Variants in ATP11B observed in about 807,000 individuals in gnomAD.
ATP11B encodes phospholipid-transporting ATPase IF.
ATP11B carries 81 observed loss-of-function variants against 157.8 expected under a neutral mutation model. That is an observed-to-expected ratio of 0.51 (90% confidence interval 0.43 to 0.62). The LOEUF is 0.62. ATP11B is among the 20% of genes least tolerant of loss of function. The pLI is 0.00. For missense variants in ATP11B, 1,165 were observed against 1,402.2 expected (o/e 0.83, Z 2.70); for synonymous variants, 451 against 469.4 (o/e 0.96, Z 0.51).
chr3:182,798,129 C>T (rs1159780141), intron 1 of ATP11B, among the ~76,000 whole-genome samples: 2 of 152,018 alleles, frequency 1.3e-5, no homozygotes, highest in African/African-American at 2.4e-5. Flanking sequence ...AGAGTGAGAC[C>T]GTCTGAAAAG....
At chr3:182,795,790 T>C (rs781646530) in intron 1 of ATP11B, among the ~76,000 whole-genome samples, 3 of 152,264 alleles carry the variant, frequency 2.0e-5, no homozygotes, top group Non-Finnish European at 4.4e-5. Context: ...TAGACAGCTA[T>C]TCTGATTACT....
At chr3:182,822,200 T>C (rs1357799329) in intron 2 of ATP11B, among the ~76,000 whole-genome samples, 1 of 152,016 alleles carries the variant, frequency 6.6e-6, no homozygotes, top group Non-Finnish European at 1.5e-5. Flanking sequence ...ACATGTGCCA[T>C]ATTGGTGTGC....
chr3:182,853,446 T>C (rs2108527576), intron 10 of ATP11B, among the ~76,000 whole-genome samples: 1 of 152,236 alleles, frequency 6.6e-6, no homozygotes, highest in East Asian at 1.9e-4. Flanking sequence ...GACCTCTTGA[T>C]CCGCCTACCT....
chr3:182,831,852 A>G (rs1215805266), intron 4 of ATP11B, among the ~76,000 whole-genome samples: 1 of 151,864 alleles, frequency 6.6e-6, no homozygotes, highest in Non-Finnish European at 1.5e-5. Flanking sequence ...CGTCACTTTC[A>G]TTTGAATGTC....
At chr3:182,903,096 C>G (rs185539234) in intron 28 of ATP11B, among the ~76,000 whole-genome samples, 2 of 152,166 alleles carry the variant, frequency 1.3e-5, no homozygotes, top group East Asian at 3.9e-4. Context: ...TCTTTATCTC[C>G]ACAGACAGAT....
intron 22 of ATP11B, among the ~76,000 whole-genome samples, chr3:182,885,325 G>C (rs1047440281): frequency 4.6e-5 from 7 of 151,962 alleles, no homozygotes; most frequent in Non-Finnish European, 8.8e-5. Context: ...CCTATCTTTG[G>C]GTCCTTTGGT....
At chr3:182,883,147 GAATTTCTTCTAGTAAAAAA>G (rs2108562283) in intron 21 of ATP11B, among the ~76,000 whole-genome samples, 1 of 152,072 alleles carries the variant, frequency 6.6e-6, no homozygotes, top group African/African-American at 2.4e-5. Flanking sequence ...ATGAATGCAG[GAATTTCTTCTAGTAAAAAA>G]AATTGAGCAT....
intron 28 of ATP11B, among the ~76,000 whole-genome samples, chr3:182,901,812 T>C (rs1033132303): frequency 6.6e-6 from 1 of 152,250 alleles, no homozygotes; most frequent in South Asian, 2.1e-4. Flanking sequence ...TTTTGGTTCT[T>C]TCACTATAAA....
chr3:182,874,460 C>T (rs1216394892), intron 19 of ATP11B, among the ~76,000 whole-genome samples: 3 of 151,950 alleles, frequency 2.0e-5, no homozygotes, highest in Admixed American at 2.0e-4. Flanking sequence ...TAGTATATGG[C>T]CATCATGTCA....
chr3:182,820,419 C>T (rs1295979758), intron 2 of ATP11B, 43 bp downstream of exon 2: 3 of 1,304,596 alleles, frequency 2.3e-6, no homozygotes, highest in Non-Finnish European at 3.3e-6. Flanking sequence ...TGCAGTGGCT[C>T]ATACCCATCA....
In ATP11B at chr3:182,857,858, T is replaced by G. The variant is rs757782574; in HGVS notation, c.852-20T>G. On this transcript the variant is annotated intron_variant, in intron 10 of 29. Transcript: ENST00000323116. The stretch of plus-strand genomic sequence containing the variant: ...TAATACATGAGTTGTATGTTTTATA[T>G]TCTCTTTTTCTTCCTTAAGGTCAAT... The G allele has an allele frequency of 2.1e-6, 3 of 1,416,660 alleles. No homozygotes were observed. Among genetic ancestry groups the G allele is most frequent in the South Asian group, 2.5e-5 (2 of 81,494 alleles). The allele number at this position is 1,416,660 out of a possible 1,614,324, so 87.8% of individuals were successfully genotyped here. A position where few individuals can be genotyped will look rare whatever the true frequency, so the allele number is the denominator to read the frequency against.
intron 28 of ATP11B, among the ~76,000 whole-genome samples, chr3:182,902,274 A>G (rs144350832): frequency 6.6e-6 from 1 of 152,334 alleles, no homozygotes; most frequent in East Asian, 1.9e-4. Context: ...CAGAGTAACA[A>G]TGTGGTGTTA....
In ATP11B at chr3:182,917,044, G is replaced by A. The variant is rs1333977163; in HGVS notation, c.3453-979G>A. The A allele has an allele frequency of 1.2e-5, 12 of 985,182 alleles. No homozygotes were observed. In the South Asian group the frequency reaches 3.3e-4, roughly 27 times the overall value. The allele number at this position is 985,182 out of a possible 1,614,324, so 61.0% of individuals were successfully genotyped here. A position where few individuals can be genotyped will look rare whatever the true frequency, so the allele number is the denominator to read the frequency against. On this transcript the variant is annotated intron_variant, in intron 29 of 29. Coordinates refer to ENST00000323116, the MANE Select transcript of ATP11B (RefSeq NM_014616.3). ...CCTTCCCTAACCTAAGGTAGATACTGTTCCAGCTTTTCTAGAAACTAGTCG... is the reference window on the plus strand; with the variant it reads ...CCTTCCCTAACCTAAGGTAGATACTATTCCAGCTTTTCTAGAAACTAGTCG...
At chr3:182,908,614 A>G (rs1301590138) in intron 28 of ATP11B, 1 of 152,214 alleles carries the variant, frequency 6.6e-6, no homozygotes, top group Non-Finnish European at 1.5e-5. Flanking sequence ...AGAGGGAAGG[A>G]GAGAGGAAAG....
At chr3:182,823,605 T>C (rs1382186337) in intron 2 of ATP11B, among the ~76,000 whole-genome samples, 1 of 152,196 alleles carries the variant, frequency 6.6e-6, no homozygotes, top group Non-Finnish European at 1.5e-5. Context: ...CGGGCTCTTT[T>C]TTGGTTCCAT....
At chr3:182,855,707 C>G (rs1720341812) in intron 10 of ATP11B, among the ~76,000 whole-genome samples, 1 of 152,018 alleles carries the variant, frequency 6.6e-6, no homozygotes, top group Non-Finnish European at 1.5e-5. Flanking sequence ...AGAAAATGAG[C>G]AAAAGGCATA....
chr3:182,820,451 A>C, intron 2 of ATP11B, 75 bp downstream of exon 2: 2 of 990,054 alleles, frequency 2.0e-6, no homozygotes, highest in Non-Finnish European at 3.2e-6. Context: ...TGGGAGGCCA[A>C]GGCGAGAGGA....
At chr3:182,917,953 A>T in intron 29 of ATP11B, 70 bp from the exon 30 acceptor site, 1 of 1,584,602 alleles carries the variant, frequency 6.3e-7, no homozygotes. Context: ...CCTAAGTTTT[A>T]GAGTAAATTT....
At chr3:182,820,411 C>A in intron 2 of ATP11B, 35 bp downstream of exon 2, 2 of 1,391,388 alleles carry the variant, frequency 1.4e-6, no homozygotes, top group Non-Finnish European at 2.0e-6. Context: ...AGGCCAGGTG[C>A]AGTGGCTCAT....
Sources: gnomAD v4.1 joint callset for allele counts (sites outside exome capture counted in the v4.1 genomes callset) on GRCh38, gnomAD v4.1.1 for gene constraint, MANE v1.5 for transcripts, NCBI Gene and HGNC (gene_info 2026-07-23, HGNC 2026-07-21) for gene names.